The following DAB1 variants were observed in gnomAD, a reference collection of about 807,000 sequenced individuals.
DAB1 encodes DAB adaptor protein 1.
Under a neutral mutation model 64.6 loss-of-function variants are expected in DAB1, and 15 were observed. That is an observed-to-expected ratio of 0.23 (90% CI 0.16 to 0.36). The LOEUF is 0.36. Among genes scored for constraint, DAB1 ranks in the 10% least tolerant of loss-of-function variants. The pLI is 1.00. For synonymous variants in DAB1, 235 were observed against 251.9 expected (o/e 0.93, Z 0.64); for missense variants, 596 against 706.7 (o/e 0.84, Z 1.78).
At chr1:58,367,191 C>T (rs999120535) in intron 3 of DAB1, among the ~76,000 whole-genome samples, 2 of 152,184 alleles carry the variant, frequency 1.3e-5, no homozygotes, top group Non-Finnish European at 2.9e-5. Flanking sequence ...GGAGCTGTCA[C>T]ATTTCCTACA....
intron 7 of DAB1, among the ~76,000 whole-genome samples, chr1:57,434,174 A>T (rs1382820832): frequency 1.3e-5 from 2 of 152,178 alleles, no homozygotes; most frequent in African/African-American, 4.8e-5. Context: ...ATATATACAC[A>T]CATATACTTG....
intron 4 of DAB1, among the ~76,000 whole-genome samples, chr1:58,151,929 G>A (rs1443043372): frequency 6.6e-6 from 1 of 152,202 alleles, no homozygotes; most frequent in African/African-American, 2.4e-5. Context: ...GCCAGGTTCT[G>A]AAGAACAAGT....
intron 1 of DAB1, among the ~76,000 whole-genome samples, chr1:57,402,766 C>A (rs3850554): frequency 0.11 from 16,683 of 152,206 alleles, 1,001 homozygotes; most frequent in Admixed American, 0.13. Context: ...GTCATAAACA[C>A]AGACAGAGCA....
At chr1:58,511,871 G>T (rs6587822) in intron 2 of DAB1, among the ~76,000 whole-genome samples, 23,355 of 152,054 alleles carry the variant, frequency 0.15, 2,012 homozygotes, top group Admixed American at 0.26. Context: ...CAATGATTTT[G>T]TGAATATGAC....
At chr1:58,397,254 C>A (rs1644531337) in intron 3 of DAB1, among the ~76,000 whole-genome samples, 1 of 152,148 alleles carries the variant, frequency 6.6e-6, no homozygotes, top group African/African-American at 2.4e-5. Context: ...TCGGCCCAGG[C>A]ACAACATTCC....
intron 5 of DAB1, among the ~76,000 whole-genome samples, chr1:58,036,258 C>T (rs1297212738): frequency 1.3e-5 from 2 of 152,190 alleles, no homozygotes; most frequent in East Asian, 3.9e-4. Context: ...CAATTATTAG[C>T]CCTCCTTTAC....
At chr1:58,537,161 T>C (rs1397868304) in intron 1 of DAB1, among the ~76,000 whole-genome samples, 1 of 151,930 alleles carries the variant, frequency 6.6e-6, no homozygotes, top group Non-Finnish European at 1.5e-5. Flanking sequence ...AGGTAACTTG[T>C]CCATGGCCAC....
At chr1:57,458,417 T>G (rs1686673767) in intron 7 of DAB1, among the ~76,000 whole-genome samples, 2 of 151,806 alleles carry the variant, frequency 1.3e-5, no homozygotes, top group Non-Finnish European at 2.9e-5. Context: ...ATTGAATGTG[T>G]GATAGCAACA....
At chr1:57,834,866 T>G (rs1026537697) in intron 1 of DAB1, among the ~76,000 whole-genome samples, 6 of 152,182 alleles carry the variant, frequency 3.9e-5, no homozygotes, top group African/African-American at 1.2e-4. Flanking sequence ...TGTGGTCAAC[T>G]GAAGTGTATT....
chr1:58,278,242 G>A (rs201368287), intron 4 of DAB1, among the ~76,000 whole-genome samples: 1 of 7,456 alleles, frequency 1.3e-4, no homozygotes, highest in Non-Finnish European at 3.4e-4. Flanking sequence ...TCCTACACAC[G>A]CATACTGTCT....
chr1:57,447,663 G>A lies in DAB1; in HGVS notation n.626-156497C>T, dbSNP rs149524648. ...TTATACCATGCCTTTGTTTCAAATC[G>A]TATAATGGCGCCCTAGTGCCTACAA... is the stretch of plus-strand genomic sequence containing the variant. On this transcript the variant is annotated intron_variant and non_coding_transcript_variant, in intron 7 of 20. Coordinates refer to the DAB1 transcript ENST00000485760. Among the ~76,000 whole-genome samples the A allele has an allele frequency of 4.9e-4, 75 of 152,264 alleles. No homozygotes were observed. In the East Asian group the frequency reaches 0.012, roughly 24 times the overall value.
intron 7 of DAB1, among the ~76,000 whole-genome samples, chr1:57,507,112 C>T (rs1042121286): frequency 7.9e-5 from 12 of 152,300 alleles, no homozygotes; most frequent in East Asian, 3.9e-4. Context: ...CTCCCCACTG[C>T]CTCCAGGATA....
At chr1:58,100,751 G>T (rs956374946) in intron 5 of DAB1, among the ~76,000 whole-genome samples, 15 of 152,142 alleles carry the variant, frequency 9.9e-5, no homozygotes, top group African/African-American at 3.6e-4. Flanking sequence ...CAGTGGAGAC[G>T]GATTTTTCTC....
chr1:58,305,131 A>G (rs1662276889), intron 4 of DAB1, among the ~76,000 whole-genome samples: 1 of 152,074 alleles, frequency 6.6e-6, no homozygotes, highest in African/African-American at 2.4e-5. Context: ...CACAGGTGCA[A>G]TTACAGCACA....
At chr1:57,383,048 A>T (rs1318739825) in intron 1 of DAB1, among the ~76,000 whole-genome samples, 3 of 152,256 alleles carry the variant, frequency 2.0e-5, no homozygotes, top group East Asian at 3.9e-4. Context: ...AAAAAAATAA[A>T]AGTAGAGAAA....
intron 3 of DAB1, chr1:58,473,730 T>C: frequency 2.3e-6 from 1 of 439,708 alleles, no homozygotes; most frequent in Non-Finnish European, 4.0e-6. Context: ...GCTCTTATTG[T>C]TAGGGACTTG....
intron 4 of DAB1, among the ~76,000 whole-genome samples, chr1:58,319,753 A>G (rs1264436091): frequency 2.0e-5 from 3 of 152,246 alleles, no homozygotes; most frequent in African/African-American, 4.8e-5. Context: ...TTGTAAAAGT[A>G]TAGTGGCTGC....
chr1:57,213,894 T>A (rs927088308), intron 2 of DAB1, among the ~76,000 whole-genome samples: 6 of 152,238 alleles, frequency 3.9e-5, no homozygotes, highest in African/African-American at 1.4e-4. Flanking sequence ...TCATTAAGCA[T>A]GTACTTAGGC....
At chr1:58,401,545 C>T (rs1248023492) in intron 3 of DAB1, among the ~76,000 whole-genome samples, 1 of 152,200 alleles carries the variant, frequency 6.6e-6, no homozygotes, top group African/African-American at 2.4e-5. Flanking sequence ...TGACTATATA[C>T]TTATTTATTT....
Sources: allele counts gnomAD v4.1 joint callset (sites outside exome capture counted in the v4.1 genomes callset), GRCh38; gene constraint gnomAD v4.1.1; transcripts MANE v1.5; gene names NCBI Gene and HGNC (gene_info 2026-07-23, HGNC 2026-07-21).